Variants in STK33 observed in about 807,000 individuals in gnomAD.
STK33 encodes the protein serine/threonine-protein kinase 33.
A neutral mutation model predicts 58.0 loss-of-function variants in STK33; 52 were observed. The observed-to-expected ratio is 0.90, with a 90% CI of 0.72 to 1.13. The LOEUF is 1.13. Among genes scored for constraint, STK33 ranks in the 50% most tolerant of loss-of-function variants. The probability of loss-of-function intolerance (pLI) is 0.00; values close to 1 mark genes in which losing one functional copy is unlikely to be tolerated. For synonymous variants in STK33, 215 were observed against 200.1 expected (o/e 1.07, Z -0.63); for missense variants, 630 against 604.2 (o/e 1.04, Z -0.45).
At chr11:8,415,805 C>A (rs1473767674) in intron 14 of STK33, among the ~76,000 whole-genome samples, 1 of 152,130 alleles carries the variant, frequency 6.6e-6, no homozygotes, top group Non-Finnish European at 1.5e-5. Context: ...TGTGACAGCT[C>A]ATTTATTTAG....
chr11:8,450,287 T>TCA (rs1199901556), intron 11 of STK33, among the ~76,000 whole-genome samples: 1 of 152,110 alleles, frequency 6.6e-6, no homozygotes, highest in Admixed American at 6.5e-5. Context: ...ACCATCATTC[T>TCA]CAGCAAAGTA....
chr11:8,426,369 A>G (rs571340933), intron 14 of STK33, among the ~76,000 whole-genome samples: 12 of 152,244 alleles, frequency 7.9e-5, no homozygotes, highest in Admixed American at 7.8e-4. Flanking sequence ...TCTGCCTGCT[A>G]GGGTCTCGGG....
At chr11:8,338,340 G>A in the STK33 span, among the ~76,000 whole-genome samples, 5 of 152,140 alleles carry the variant, frequency 3.3e-5, no homozygotes, top group Admixed American at 2.0e-4. Context: ...GACATTCCCC[G>A]GGCCGGAGGT....
the STK33 span, among the ~76,000 whole-genome samples, chr11:8,345,175 G>A: frequency 8.5e-5 from 13 of 152,330 alleles, no homozygotes; most frequent in African/African-American, 2.9e-4. Flanking sequence ...TCACCTGAGA[G>A]GCCCCGCAGA....
At chr11:8,538,864 TC>T (rs1955268867) in intron 1 of STK33, among the ~76,000 whole-genome samples, 1 of 152,170 alleles carries the variant, frequency 6.6e-6, no homozygotes, top group African/African-American at 2.4e-5. Flanking sequence ...CAGGAGGACT[TC>T]CTAAAAGTCA....
intron 8 of STK33, among the ~76,000 whole-genome samples, chr11:8,458,517 G>A (rs368849586): frequency 6.6e-5 from 10 of 151,124 alleles, no homozygotes; most frequent in Admixed American, 4.6e-4. Context: ...GCATAGAATC[G>A]AGACAAGAAG....
At chr11:8,564,846 G>C (rs1295999436) in intron 1 of STK33, among the ~76,000 whole-genome samples, 1 of 152,190 alleles carries the variant, frequency 6.6e-6, no homozygotes, top group Non-Finnish European at 1.5e-5. Flanking sequence ...TTTAGGAGAA[G>C]AAAGCTGACA....
chr11:8,527,505 T>C (rs547393335), intron 1 of STK33, among the ~76,000 whole-genome samples: 4 of 151,910 alleles, frequency 2.6e-5, no homozygotes, highest in Non-Finnish European at 5.9e-5. Flanking sequence ...TATCCCAAGG[T>C]ATTTCCCCAG....
chr11:8,350,407 G>C, the STK33 span, among the ~76,000 whole-genome samples: 1 of 152,226 alleles, frequency 6.6e-6, no homozygotes, highest in African/African-American at 2.4e-5. Context: ...AATGAGGCTA[G>C]GAACAGGCTG....
intron 15 of STK33, among the ~76,000 whole-genome samples, chr11:8,393,539 G>T (rs1407444546): frequency 6.6e-6 from 1 of 152,154 alleles, no homozygotes; most frequent in Non-Finnish European, 1.5e-5. Flanking sequence ...AGTAGAGATT[G>T]TCTCAGGAGA....
At chr11:8,450,512 A>G (rs1946141561) in intron 11 of STK33, among the ~76,000 whole-genome samples, 1 of 152,132 alleles carries the variant, frequency 6.6e-6, no homozygotes, top group South Asian at 2.1e-4. Flanking sequence ...CTATGTAACA[A>G]ACCTACACCT....
intron 1 of STK33, among the ~76,000 whole-genome samples, chr11:8,487,657 G>A (rs536776804): frequency 6.6e-6 from 1 of 152,216 alleles, no homozygotes; most frequent in East Asian, 1.9e-4. Flanking sequence ...GTCATTTCTT[G>A]AAGGGAAGAT....
chr11:8,510,877 C>T (rs866234848), intron 1 of STK33, among the ~76,000 whole-genome samples: 1 of 152,104 alleles, frequency 6.6e-6, no homozygotes, highest in Non-Finnish European at 1.5e-5. Flanking sequence ...CATTTTTATA[C>T]CAGTGCCATG....
chr11:8,517,053 C>T (rs1163944130), intron 1 of STK33, among the ~76,000 whole-genome samples: 1 of 152,196 alleles, frequency 6.6e-6, no homozygotes, highest in African/African-American at 2.4e-5. Context: ...TCCCTGACCC[C>T]TGAGTAGCCT....
At chr11:8,485,884 G>A (rs1343352946) in intron 1 of STK33, among the ~76,000 whole-genome samples, 1 of 152,132 alleles carries the variant, frequency 6.6e-6, no homozygotes, top group Non-Finnish European at 1.5e-5. Context: ...AATAGCTATT[G>A]AAATAGATAG....
chr11:8,410,814 G>A (rs1940117658), intron 15 of STK33, among the ~76,000 whole-genome samples: 1 of 152,050 alleles, frequency 6.6e-6, no homozygotes, highest in Admixed American at 6.6e-5. Flanking sequence ...ATTCAAGACT[G>A]TGTTAAATAA....
chr11:8,565,362 ATTTCCCATTGGAT>A (rs1190451579), intron 1 of STK33, among the ~76,000 whole-genome samples: 1 of 152,172 alleles, frequency 6.6e-6, no homozygotes, highest in Non-Finnish European at 1.5e-5. Context: ...CATGGGGTTA[ATTTCCCATTGGAT>A]ATAAGCCTAT....
In STK33 at chr11:8,522,510, A is replaced by T. The variant is rs1409544763; in HGVS notation, c.-465-41896T>A. Among the ~76,000 whole-genome samples, 5 of 152,130 alleles carry T rather than the reference A, an allele frequency of 3.3e-5. No homozygotes were observed. In the East Asian group the frequency reaches 9.6e-4, roughly 29 times the overall value. On this transcript the variant is annotated intron_variant, in intron 1 of 15. Coordinates refer to ENST00000687296, the MANE Select transcript of STK33 (RefSeq NM_001352389.2). ...TGAAATTGGATCTTTATCTAACACC[A>T]CACACAAAAACTCAAAATACTTAAA...
intron 1 of STK33, among the ~76,000 whole-genome samples, chr11:8,515,941 T>C (rs1952742800): frequency 6.6e-6 from 1 of 152,214 alleles, no homozygotes. Flanking sequence ...AAAGACATCC[T>C]ATGTTCATGG....
Sources: allele counts gnomAD v4.1 joint callset (sites outside exome capture counted in the v4.1 genomes callset), GRCh38; gene constraint gnomAD v4.1.1; transcripts MANE v1.5; gene names NCBI Gene and HGNC (gene_info 2026-07-23, HGNC 2026-07-21).